The following ZNG1F variants were observed in gnomAD, a reference collection of about 807,000 sequenced individuals.
ZNG1F encodes Zn regulated GTPase metalloprotein activator 1F, also known as zinc-regulated GTPase metalloprotein activator 1F.
chr9:41,175,115 A>T, the ZNG1F span, among the ~76,000 whole-genome samples: 1 of 147,710 alleles, frequency 6.8e-6, no homozygotes, highest in South Asian at 2.1e-4. Flanking sequence ...TAAGTGTAGG[A>T]GAAAAACAAG....
the ZNG1F span, among the ~76,000 whole-genome samples, chr9:41,151,912 G>A: frequency 1.4e-5 from 2 of 144,188 alleles, no homozygotes; most frequent in African/African-American, 5.1e-5. Flanking sequence ...AAAATGTAAA[G>A]ACCATCGAGA....
the ZNG1F span, among the ~76,000 whole-genome samples, chr9:41,160,586 C>G: frequency 7.0e-6 from 1 of 143,226 alleles, no homozygotes; most frequent in Non-Finnish European, 1.5e-5. Context: ...CCAGGCTCAG[C>G]TAATTTTTTG....
the ZNG1F span, among the ~76,000 whole-genome samples, chr9:41,195,962 CCCCTTTCTATT>C: frequency 2.3e-5 from 1 of 42,750 alleles, no homozygotes; most frequent in African/African-American, 5.7e-5. Context: ...ATTCTTCCTT[CCCCTTTCTATT>C]CCCTCGAAGA....
the ZNG1F span, chr9:41,157,517 C>T: frequency 1.4e-5 from 2 of 139,560 alleles, no homozygotes; most frequent in African/African-American, 5.3e-5. Flanking sequence ...ATAATCAAAG[C>T]TAAGGTGAAG....
At chr9:41,150,245 G>A in the ZNG1F span, among the ~76,000 whole-genome samples, 18 of 148,504 alleles carry the variant, frequency 1.2e-4, no homozygotes, top group African/African-American at 1.7e-4. Context: ...ACTCCCACCC[G>A]AATACTGCGC....
chr9:41,188,059 T>C, the ZNG1F span: 2 of 35,200 alleles, frequency 5.7e-5, no homozygotes, highest in Non-Finnish European at 1.0e-4. Flanking sequence ...AATACATTGT[T>C]TTGGACAAGA....
the ZNG1F span, among the ~76,000 whole-genome samples, chr9:41,201,330 C>G: frequency 8.1e-6 from 1 of 123,924 alleles, no homozygotes; most frequent in East Asian, 2.7e-4. Context: ...TGATACACAC[C>G]CTTGCAATAA....
the ZNG1F span, among the ~76,000 whole-genome samples, chr9:41,149,685 G>A: frequency 6.6e-6 from 1 of 150,782 alleles, no homozygotes; most frequent in Non-Finnish European, 1.5e-5. Context: ...ACAGGGAAAT[G>A]GGAAGCTGCT....
chr9:41,155,331 C>A, the ZNG1F span, among the ~76,000 whole-genome samples: 1 of 149,818 alleles, frequency 6.7e-6, no homozygotes, highest in African/African-American at 2.5e-5. Context: ...GTTAGAATGG[C>A]GATCATTAAA....
chr9:41,192,869 T>C, the ZNG1F span, among the ~76,000 whole-genome samples: 6 of 140,732 alleles, frequency 4.3e-5, no homozygotes, highest in Non-Finnish European at 9.4e-5. Context: ...TTATAATATT[T>C]TAGAATCTAT....
the ZNG1F span, among the ~76,000 whole-genome samples, chr9:41,134,315 C>A: frequency 9.6e-6 from 1 of 103,864 alleles, no homozygotes; most frequent in South Asian, 3.8e-4. Context: ...ACTGAATAAG[C>A]ATGTGCCAAG....
chr9:41,202,786 T>C, the ZNG1F span, among the ~76,000 whole-genome samples: 4 of 144,434 alleles, frequency 2.8e-5, no homozygotes, highest in African/African-American at 7.7e-5. Flanking sequence ...ATCACTACCA[T>C]GTTCAAAAGC....
the ZNG1F span, among the ~76,000 whole-genome samples, chr9:41,166,273 G>A: frequency 4.5e-5 from 6 of 134,780 alleles, 1 homozygote; most frequent in Non-Finnish European, 9.5e-5. Flanking sequence ...ATAAAAAAAT[G>A]CAAAAATTAG....
the ZNG1F span, among the ~76,000 whole-genome samples, chr9:41,154,320 G>A: frequency 9.3e-6 from 1 of 107,516 alleles, no homozygotes; most frequent in African/African-American, 3.8e-5. Context: ...CCTCTTCAAG[G>A]AGAACTACAA....
At chr9:41,150,918 TCTC>T in the ZNG1F span, among the ~76,000 whole-genome samples, 2 of 147,758 alleles carry the variant, frequency 1.4e-5, no homozygotes, top group African/African-American at 5.0e-5. Flanking sequence ...GCAGAGCACC[TCTC>T]CTCCTCCAAA....
chr9:41,133,798 AT>A, the ZNG1F span: 1 of 648,876 alleles, frequency 1.5e-6, no homozygotes, highest in Non-Finnish European at 2.6e-6. Context: ...TGTTTTTTAA[AT>A]CACAAATTTT....
At chr9:41,200,806 G>A in the ZNG1F span, among the ~76,000 whole-genome samples, 1 of 152,176 alleles carries the variant, frequency 6.6e-6, no homozygotes, top group African/African-American at 2.4e-5. Context: ...AGATTATGCA[G>A]GGAAACTCAC....
At chr9:41,154,542 G>T in the ZNG1F span, among the ~76,000 whole-genome samples, 5 of 138,602 alleles carry the variant, frequency 3.6e-5, no homozygotes, top group Admixed American at 1.5e-4. Flanking sequence ...AGCCCGCATC[G>T]CCAAGTCAAT....
the ZNG1F span, chr9:41,132,143 G>T: frequency 1.9e-6 from 3 of 1,542,032 alleles, 1 homozygote; most frequent in African/African-American, 2.8e-5. Flanking sequence ...GGACCTGAAT[G>T]GTTAATCTGT....
Sources: allele counts gnomAD v4.1 joint callset (sites outside exome capture counted in the v4.1 genomes callset), GRCh38; gene constraint gnomAD v4.1.1; transcripts MANE v1.5; gene names NCBI Gene and HGNC (gene_info 2026-07-23, HGNC 2026-07-21).